The following ZNF407 variants were observed in gnomAD, a reference collection of about 807,000 sequenced individuals.
The protein encoded by ZNF407 is zinc finger protein 407.
A neutral mutation model predicts 131.2 loss-of-function variants in ZNF407; 17 were observed. That is an observed-to-expected ratio of 0.13 (90% CI 0.09 to 0.19). The LOEUF is 0.19. ZNF407 is among the 10% of genes least tolerant of loss of function. ZNF407 has a pLI of 1.00. For synonymous variants in ZNF407, 1,156 were observed against 1,062.0 expected (o/e 1.09, Z -1.72); for missense variants, 2,681 against 2,830.6 (o/e 0.95, Z 1.20).
intron 8 of ZNF407, among the ~76,000 whole-genome samples, chr18:74,928,344 G>A (rs1334527468): frequency 6.6e-6 from 1 of 152,186 alleles, no homozygotes; most frequent in Non-Finnish European, 1.5e-5. Context: ...AGATAAGGGG[G>A]ATTGTAGAAG....
chr18:75,001,940 G>T (rs910705209), intron 8 of ZNF407, among the ~76,000 whole-genome samples: 7 of 152,174 alleles, frequency 4.6e-5, no homozygotes, highest in Non-Finnish European at 1.0e-4. Context: ...TTAGCGGGTG[G>T]AGACCAAGTG....
intron 1 of ZNF407, among the ~76,000 whole-genome samples, chr18:74,629,584 G>A (rs969905647): frequency 2.0e-5 from 3 of 151,906 alleles, no homozygotes; most frequent in Admixed American, 6.6e-5. Context: ...TTTTTTTCTC[G>A]TATTGTTCGC....
intron 8 of ZNF407, among the ~76,000 whole-genome samples, chr18:74,940,839 G>A (rs1972089638): frequency 6.6e-6 from 1 of 152,156 alleles, no homozygotes; most frequent in Non-Finnish European, 1.5e-5. Flanking sequence ...CCCAGGTCAC[G>A]CTACGGAACC....
chr18:74,888,330 G>T (rs1971338460), intron 6 of ZNF407, among the ~76,000 whole-genome samples: 1 of 150,726 alleles, frequency 6.6e-6, no homozygotes. Context: ...ATTGTTTCCT[G>T]GTAGCCATAT....
At chr18:75,045,460 A>G (rs1192849384) in intron 8 of ZNF407, among the ~76,000 whole-genome samples, 1 of 152,178 alleles carries the variant, frequency 6.6e-6, no homozygotes, top group Non-Finnish European at 1.5e-5. Flanking sequence ...ACTGCCTGCA[A>G]ACAGTGGAAA....
chr18:74,878,053 G>T (rs779545753), intron 5 of ZNF407, among the ~76,000 whole-genome samples: 4 of 152,166 alleles, frequency 2.6e-5, no homozygotes, highest in Non-Finnish European at 5.9e-5. Context: ...GTACATCTTT[G>T]GTAGGGGTGG....
intron 8 of ZNF407, among the ~76,000 whole-genome samples, chr18:75,003,984 C>A (rs1481393177): frequency 1.3e-5 from 2 of 152,228 alleles, no homozygotes; most frequent in African/African-American, 4.8e-5. Flanking sequence ...AGCTGCTTAT[C>A]TCCCCTCTCC....
intron 4 of ZNF407, among the ~76,000 whole-genome samples, chr18:74,787,560 G>C (rs1451987440): frequency 6.6e-6 from 1 of 152,082 alleles, no homozygotes; most frequent in Non-Finnish European, 1.5e-5. Context: ...CTCTTGGTTG[G>C]GTTCCTCAGC....
chr18:74,634,944 C>G lies in ZNF407; in HGVS notation c.3925C>G (p.Leu1309Val). The change falls in exon 2 of 9, where the codon CTG (leucine) becomes GTG (valine). Residue 1309 changes from leucine to valine, a missense_variant. By Grantham distance (32) the Leu-to-Val change is conservative. This residue lies in a region of ZNF407 where 1,789 missense variants were observed against 1,748.7 expected (regional missense o/e 1.02). Transcript: ENST00000299687. The part of the protein sequence containing the change: ...EDPVLGNKEI[L>V]MNSQHETEFI... ...TCCCGTTCTGGGGAATAAGGAAATT[C>G]TGATGAATTCACAACATGAAACAGA... 4 of 1,613,988 alleles carry G rather than the reference C, an allele frequency of 2.5e-6. No individual in the cohort carries two copies. The highest frequency in any genetic ancestry group is 3.4e-6 in the Non-Finnish European group (4 of 1,179,890).
At chr18:74,852,076 G>A (rs559977221) in intron 4 of ZNF407, among the ~76,000 whole-genome samples, 1 of 152,214 alleles carries the variant, frequency 6.6e-6, no homozygotes, top group African/African-American at 2.4e-5. Context: ...ATGGACAGGC[G>A]CCTACCGCGG....
chr18:74,987,903 T>G (rs1428775879), intron 8 of ZNF407, among the ~76,000 whole-genome samples: 1 of 152,172 alleles, frequency 6.6e-6, no homozygotes, highest in Non-Finnish European at 1.5e-5. Context: ...TTCAACACAA[T>G]CCCAGCCAAA....
At chr18:74,953,309 C>A (rs1183603868) in intron 8 of ZNF407, among the ~76,000 whole-genome samples, 3 of 152,162 alleles carry the variant, frequency 2.0e-5, no homozygotes, top group Middle Eastern at 3.2e-3. Context: ...TGGCATGCCG[C>A]CTTCTGTGGT....
At chr18:74,718,485 T>C (rs1568181053) in intron 3 of ZNF407, among the ~76,000 whole-genome samples, 3 of 151,890 alleles carry the variant, frequency 2.0e-5, no homozygotes, top group African/African-American at 7.3e-5. Context: ...GATCATGATA[T>C]TGCATTCCAG....
At chr18:74,833,773 G>T (rs1215296550) in intron 4 of ZNF407, among the ~76,000 whole-genome samples, 1 of 152,186 alleles carries the variant, frequency 6.6e-6, no homozygotes, top group African/African-American at 2.4e-5. Flanking sequence ...GGTGGTGGTG[G>T]AGACAGAGCC....
intron 7 of ZNF407, among the ~76,000 whole-genome samples, chr18:74,908,756 A>G (rs1193726981): frequency 6.6e-6 from 1 of 152,186 alleles, no homozygotes; most frequent in East Asian, 1.9e-4. Context: ...TGTCTTACAT[A>G]AATTGTGAAA....
intron 3 of ZNF407, among the ~76,000 whole-genome samples, chr18:74,706,940 C>T (rs1967637541): frequency 7.6e-6 from 1 of 132,352 alleles, no homozygotes; most frequent in African/African-American, 3.0e-5. Flanking sequence ...AAGACAGCAG[C>T]TTTTTTTTTT....
chr18:75,027,188 C>T (rs1460383685), intron 8 of ZNF407, among the ~76,000 whole-genome samples: 9 of 152,118 alleles, frequency 5.9e-5, no homozygotes, highest in Non-Finnish European at 1.2e-4. Flanking sequence ...AGACTGAGCA[C>T]GGAGACCTTT....
chr18:74,974,874 C>T (rs1972511018), intron 8 of ZNF407, among the ~76,000 whole-genome samples: 2 of 152,190 alleles, frequency 1.3e-5, no homozygotes, highest in Non-Finnish European at 2.9e-5. Context: ...TTCTTCCGCT[C>T]ATCTCCTTCT....
intron 4 of ZNF407, among the ~76,000 whole-genome samples, chr18:74,845,649 T>C (rs1970692616): frequency 6.6e-6 from 1 of 152,250 alleles, no homozygotes. Context: ...CTTAAGTGAA[T>C]GCTGATCTAT....
Sources: gnomAD v4.1 joint callset for allele counts (sites outside exome capture counted in the v4.1 genomes callset) on GRCh38, gnomAD v4.1.1 for gene constraint, gnomAD v4.1.1 regional missense constraint, MANE v1.5 for transcripts, NCBI Gene and HGNC (gene_info 2026-07-23, HGNC 2026-07-21) for gene names.